The following C7orf78 variants were observed in gnomAD, a reference collection of about 807,000 sequenced individuals.
C7orf78 encodes the protein chromosome 7 open reading frame 78.
the C7orf78 span, among the ~76,000 whole-genome samples, chr7:12,530,720 A>C: frequency 2.6e-5 from 4 of 152,110 alleles, no homozygotes; most frequent in African/African-American, 4.8e-5. Flanking sequence ...ATTTCCTCTT[A>C]TCTCATTGGA....
At chr7:12,541,948 AG>A in the C7orf78 span, 2 of 152,218 alleles carry the variant, frequency 1.3e-5, no homozygotes, top group Non-Finnish European at 2.9e-5. Context: ...CTAGAAGGAA[AG>A]GTCTGTCTTT....
the C7orf78 span, among the ~76,000 whole-genome samples, chr7:12,484,509 T>C: frequency 6.6e-6 from 1 of 152,222 alleles, no homozygotes; most frequent in Non-Finnish European, 1.5e-5. Flanking sequence ...CTGTAGTCAT[T>C]ATTTTAGTAG....
At chr7:12,519,520 C>G in the C7orf78 span, among the ~76,000 whole-genome samples, 1 of 152,218 alleles carries the variant, frequency 6.6e-6, no homozygotes, top group Non-Finnish European at 1.5e-5. Context: ...GTGGCAACAA[C>G]TGCTATGGCA....
At chr7:12,484,746 T>C in the C7orf78 span, among the ~76,000 whole-genome samples, 1 of 152,170 alleles carries the variant, frequency 6.6e-6, no homozygotes, top group Non-Finnish European at 1.5e-5. Flanking sequence ...CACGTTGTAC[T>C]TTTATTAGTA....
At chr7:12,488,032 C>A in the C7orf78 span, among the ~76,000 whole-genome samples, 4 of 151,878 alleles carry the variant, frequency 2.6e-5, no homozygotes, top group African/African-American at 9.7e-5. Context: ...TACAAGAAAC[C>A]CTCTACTGGA....
the C7orf78 span, among the ~76,000 whole-genome samples, chr7:12,494,700 G>C: frequency 3.3e-5 from 5 of 152,096 alleles, no homozygotes; most frequent in East Asian, 1.9e-4. Context: ...ACATATTCTA[G>C]AATTTATTGA....
the C7orf78 span, chr7:12,496,391 G>T: frequency 6.6e-6 from 1 of 152,168 alleles, no homozygotes; most frequent in African/African-American, 2.4e-5. Flanking sequence ...ATGCATTCAT[G>T]AGAGCATTAA....
At chr7:12,484,825 T>C in the C7orf78 span, among the ~76,000 whole-genome samples, 3 of 150,152 alleles carry the variant, frequency 2.0e-5, no homozygotes, top group Non-Finnish European at 4.4e-5. Context: ...TTCTTTTATG[T>C]TACTTGGAAT....
the C7orf78 span, among the ~76,000 whole-genome samples, chr7:12,540,323 C>G: frequency 2.0e-5 from 3 of 152,202 alleles, no homozygotes; most frequent in African/African-American, 4.8e-5. Context: ...CTATTCTACC[C>G]TACTGGTGCT....
At chr7:12,538,513 A>G in the C7orf78 span, 1 of 152,266 alleles carries the variant, frequency 6.6e-6, no homozygotes, top group South Asian at 2.1e-4. Flanking sequence ...ATGTTCAAAT[A>G]GTGACTACTT....
the C7orf78 span, among the ~76,000 whole-genome samples, chr7:12,489,342 C>T: frequency 6.6e-6 from 1 of 152,034 alleles, no homozygotes; most frequent in Non-Finnish European, 1.5e-5. Context: ...TAATGAAACA[C>T]ATTCATAATA....
the C7orf78 span, among the ~76,000 whole-genome samples, chr7:12,538,920 C>T: frequency 2.0e-5 from 3 of 152,280 alleles, no homozygotes; most frequent in East Asian, 3.9e-4. Flanking sequence ...CTACCAGGAG[C>T]TCCCCAAACA....
At chr7:12,523,017 A>G in the C7orf78 span, 2 of 398,232 alleles carry the variant, frequency 5.0e-6, no homozygotes, top group African/African-American at 4.1e-5. Flanking sequence ...CATGAGTCTC[A>G]GAGAGGCACA....
At chr7:12,501,804 A>G in the C7orf78 span, among the ~76,000 whole-genome samples, 1 of 134,998 alleles carries the variant, frequency 7.4e-6, no homozygotes, top group African/African-American at 2.8e-5. Flanking sequence ...ACAAAGCTGG[A>G]GGCATCACAC....
the C7orf78 span, among the ~76,000 whole-genome samples, chr7:12,485,948 C>A: frequency 6.6e-6 from 1 of 152,048 alleles, no homozygotes; most frequent in Non-Finnish European, 1.5e-5. Flanking sequence ...CACTAAATCA[C>A]GAAATCCTCT....
chr7:12,489,902 T>G, the C7orf78 span, among the ~76,000 whole-genome samples: 1 of 152,128 alleles, frequency 6.6e-6, no homozygotes, highest in African/African-American at 2.4e-5. Flanking sequence ...AGCTAGTGGA[T>G]GTACATTTCA....
the C7orf78 span, among the ~76,000 whole-genome samples, chr7:12,515,371 C>T: frequency 2.6e-5 from 4 of 152,178 alleles, no homozygotes; most frequent in Admixed American, 2.6e-4. Context: ...TTTCACCTCC[C>T]ACCATAATTC....
At chr7:12,523,272 C>A in the C7orf78 span, 4 of 398,194 alleles carry the variant, frequency 1.0e-5, no homozygotes. Context: ...CTTCACTTGC[C>A]CAGCATAAGG....
At chr7:12,525,630 T>A in the C7orf78 span, among the ~76,000 whole-genome samples, 1 of 152,170 alleles carries the variant, frequency 6.6e-6, no homozygotes, top group African/African-American at 2.4e-5. Flanking sequence ...GTTTATACAC[T>A]ATTTAAATCT....
Sources: allele counts gnomAD v4.1 joint callset (sites outside exome capture counted in the v4.1 genomes callset), GRCh38; gene constraint gnomAD v4.1.1; transcripts MANE v1.5; gene names NCBI Gene and HGNC (gene_info 2026-07-23, HGNC 2026-07-21).